SLC38A6: variants seen among roughly 807,000 people sequenced by gnomAD.
SLC38A6 encodes N system amino acid transporter NAT-1.
Under a neutral mutation model 65.0 loss-of-function variants are expected in SLC38A6, and 73 were observed. That is an observed-to-expected ratio of 1.12 (90% CI 0.93 to 1.37). The LOEUF (loss-of-function observed/expected upper bound fraction) is 1.37, where lower values mean the gene tolerates loss of function less well. Ranked by LOEUF, SLC38A6 falls within the 40% of genes most tolerant of loss-of-function variation. The pLI, the probability that SLC38A6 is intolerant of heterozygous loss-of-function variation, is 0.00. For missense variants in SLC38A6, 561 were observed against 531.1 expected (o/e 1.06, Z -0.55); for synonymous variants, 183 against 178.8 (o/e 1.02, Z -0.19).
At chr14:60,991,154 A>G (rs1224122384) in intron 3 of SLC38A6, among the ~76,000 whole-genome samples, 1 of 152,200 alleles carries the variant, frequency 6.6e-6, no homozygotes, top group African/African-American at 2.4e-5. Flanking sequence ...AAGTTAGGTC[A>G]TAGCATTCCT....
rs189143464 is a variant in SLC38A6 at position 61,034,227 on chromosome 14, A to C, written c.483-2832A>C. On this transcript the variant is annotated intron_variant, in intron 6 of 15. Transcript: ENST00000267488. ...AAAGTAACTGGTGTACAGAATTTCA[A>C]AAAGTGTTCCTTTATTCCTGTGCAA... 3.9e-5 allele frequency: 6 copies of C among 152,326 alleles called. No homozygotes were observed. The East Asian group carries it at 1.2e-3, about 29-fold the overall frequency. 9.4% of individuals were successfully genotyped at this position (152,326 alleles called of 1,614,324 possible).
intron 10 of SLC38A6, among the ~76,000 whole-genome samples, chr14:61,044,515 C>T (rs950476837): frequency 6.6e-6 from 1 of 152,104 alleles, no homozygotes; most frequent in African/African-American, 2.4e-5. Context: ...TCTCCTAACC[C>T]CCTTCAGATA....
At chr14:60,995,793 G>A (rs575370349) in intron 3 of SLC38A6, among the ~76,000 whole-genome samples, 15 of 152,256 alleles carry the variant, frequency 9.9e-5, no homozygotes, top group Non-Finnish European at 1.8e-4. Context: ...GCTACATACT[G>A]TATGATTCCA....
At chr14:61,023,498 G>A (rs1001530331) in intron 5 of SLC38A6, among the ~76,000 whole-genome samples, 19 of 151,308 alleles carry the variant, frequency 1.3e-4, no homozygotes, top group African/African-American at 4.1e-4. Context: ...GTTTAAACCC[G>A]GTAGACGGAG....
At chr14:61,051,422 G>A (rs1433918639) in intron 13 of SLC38A6, among the ~76,000 whole-genome samples, 1 of 152,076 alleles carries the variant, frequency 6.6e-6, no homozygotes, top group East Asian at 1.9e-4. Context: ...CCCATGGCAT[G>A]ATTTCTTTTT....
At chr14:61,030,263 C>CTG (rs3080609) in intron 5 of SLC38A6, among the ~76,000 whole-genome samples, 182 bp from the exon 6 acceptor site, 8,015 of 148,660 alleles carry the variant, frequency 0.054, 396 homozygotes, top group East Asian at 0.21. Context: ...AGTTACTTTT[C>CTG]TGTGTGTGTG....
chr14:61,015,853 G>T, intron 3 of SLC38A6, 51 bp from the exon 4 acceptor site: 1 of 1,441,436 alleles, frequency 6.9e-7, no homozygotes, highest in South Asian at 1.2e-5. Context: ...TTTAGGACCT[G>T]ACACATAAAT....
intron 3 of SLC38A6, 79 bp from the exon 4 acceptor site, chr14:61,015,825 G>T (rs1257272141): frequency 9.0e-7 from 1 of 1,105,080 alleles, no homozygotes; most frequent in African/African-American, 1.6e-5. Context: ...TTAGTTTGTA[G>T]TAGGACCTGC....
intron 3 of SLC38A6, among the ~76,000 whole-genome samples, chr14:60,996,316 C>A (rs6573350): frequency 0.93 from 141,813 of 152,280 alleles, 66,425 homozygotes; most frequent in Non-Finnish European, 0.99. Flanking sequence ...AAAAGAAGAT[C>A]CTGCATTCTT....
intron 5 of SLC38A6, among the ~76,000 whole-genome samples, chr14:61,028,838 TTG>T: frequency 6.6e-6 from 1 of 152,330 alleles, no homozygotes; most frequent in East Asian, 1.9e-4. Flanking sequence ...GTGTATGTTT[TTG>T]TGTCTATAGT....
At chr14:61,055,118 CTTT>C (rs1219357097), downstream of SLC38A6, among the ~76,000 whole-genome samples, 211 of 98,650 alleles carry the variant, frequency 2.1e-3, no homozygotes, top group African/African-American at 8.2e-3. Context: ...TTTTTTTTTT[CTTT>C]TTTTTTTTAT....
chr14:61,072,542 G>A (rs963560262), intron 15 of SLC38A6, among the ~76,000 whole-genome samples: 1 of 152,094 alleles, frequency 6.6e-6, no homozygotes, highest in Non-Finnish European at 1.5e-5. Context: ...ACCCTTGTCA[G>A]CCTCTGGTAA....
intron 3 of SLC38A6, among the ~76,000 whole-genome samples, chr14:60,995,003 C>CAAAAA (rs34888148): frequency 1.6e-4 from 12 of 73,110 alleles, no homozygotes; most frequent in East Asian, 3.2e-4. Flanking sequence ...GACTCCATCT[C>CAAAAA]AAAAAAAAAA....
intron 3 of SLC38A6, among the ~76,000 whole-genome samples, chr14:61,005,417 G>A (rs1183538297): frequency 5.2e-5 from 7 of 135,324 alleles, no homozygotes; most frequent in Non-Finnish European, 9.9e-5. Context: ...TGACATGATT[G>A]TATATCTAGA....
chr14:61,055,128 T>TTTA (rs2042667918), downstream of SLC38A6, among the ~76,000 whole-genome samples: 2 of 134,344 alleles, frequency 1.5e-5, no homozygotes, highest in African/African-American at 2.7e-5. Flanking sequence ...CTTTTTTTTT[T>TTTA]TATTATACTC....
intron 15 of SLC38A6, among the ~76,000 whole-genome samples, chr14:61,066,817 C>T (rs1418932950): frequency 3.3e-5 from 5 of 151,966 alleles, no homozygotes; most frequent in South Asian, 2.1e-4. Flanking sequence ...CAGTTGAAAC[C>T]CATGTTGTTC....
chr14:61,028,360 C>T (rs866310058), intron 5 of SLC38A6, among the ~76,000 whole-genome samples: 1 of 152,146 alleles, frequency 6.6e-6, no homozygotes, highest in Middle Eastern at 3.4e-3. Flanking sequence ...AGTATTTTGT[C>T]TTTTTTCTTT....
intron 8 of SLC38A6, among the ~76,000 whole-genome samples, chr14:61,042,733 T>C (rs1229029662): frequency 2.0e-5 from 3 of 152,220 alleles, no homozygotes; most frequent in Non-Finnish European, 2.9e-5. Context: ...TCTGTACTTA[T>C]TTCTTCCTGT....
chr14:61,062,857 T>A (rs1594774295), intron 15 of SLC38A6, among the ~76,000 whole-genome samples: 1 of 152,176 alleles, frequency 6.6e-6, no homozygotes, highest in African/African-American at 2.4e-5. Context: ...ATTTTTGTAT[T>A]TTTAGTAGAT....
Sources: gnomAD v4.1 joint callset for allele counts (sites outside exome capture counted in the v4.1 genomes callset) on GRCh38, gnomAD v4.1.1 for gene constraint, MANE v1.5 for transcripts, NCBI Gene and HGNC (gene_info 2026-07-23, HGNC 2026-07-21) for gene names.